The following KIAA1217 variants were observed in gnomAD, a reference collection of about 807,000 sequenced individuals.
KIAA1217 encodes the protein sickle tail protein homolog.
KIAA1217 carries 88 observed loss-of-function variants against 163.9 expected under a neutral mutation model. The ratio of observed to expected loss-of-function variants is 0.54; its 90% CI spans 0.45 to 0.64. KIAA1217 has a LOEUF of 0.64. KIAA1217 is among the 30% of genes least tolerant of loss of function. The pLI is 0.00. For synonymous variants in KIAA1217, 903 were observed against 923.1 expected (o/e 0.98, Z 0.39); for missense variants, 2,372 against 2,475.0 (o/e 0.96, Z 0.88).
intron 2 of KIAA1217, among the ~76,000 whole-genome samples, chr10:24,093,056 T>C (rs1224724304): frequency 2.0e-5 from 3 of 151,528 alleles, no homozygotes; most frequent in Non-Finnish European, 2.9e-5. Context: ...TGCAGTAGCA[T>C]GATCTCGACT....
chr10:24,484,243 T>TATA (rs1564772271), intron 6 of KIAA1217, among the ~76,000 whole-genome samples: 23 of 45,922 alleles, frequency 5.0e-4, no homozygotes, highest in African/African-American at 1.6e-3. Context: ...ATATATATAT[T>TATA]TTTTTTTTTT....
At chr10:23,921,170 A>G (rs112075127) in intron 1 of KIAA1217, among the ~76,000 whole-genome samples, 32 of 152,204 alleles carry the variant, frequency 2.1e-4, no homozygotes, top group Non-Finnish European at 3.7e-4. Context: ...CACTCTCTTT[A>G]TATAGAACCA....
At chr10:24,015,120 A>G (rs1342368128) in intron 2 of KIAA1217, among the ~76,000 whole-genome samples, 1 of 152,136 alleles carries the variant, frequency 6.6e-6, no homozygotes, top group Non-Finnish European at 1.5e-5. Context: ...GATAGAACCA[A>G]CAAAGTAAAT....
At chr10:24,401,498 C>T (rs1056641503) in intron 3 of KIAA1217, among the ~76,000 whole-genome samples, 1 of 152,058 alleles carries the variant, frequency 6.6e-6, no homozygotes, top group African/African-American at 2.4e-5. Flanking sequence ...ATCATATGAT[C>T]ATGTTAATTG....
intron 2 of KIAA1217, among the ~76,000 whole-genome samples, chr10:24,075,287 A>G (rs926896587): frequency 1.3e-5 from 2 of 152,020 alleles, no homozygotes; most frequent in African/African-American, 4.8e-5. Flanking sequence ...CCAAATTATA[A>G]TTGGTTTTCT....
At chr10:23,785,644 T>C (rs1835461011) in intron 1 of KIAA1217, among the ~76,000 whole-genome samples, 1 of 152,190 alleles carries the variant, frequency 6.6e-6, no homozygotes, top group Admixed American at 6.5e-5. Flanking sequence ...TATTTAACCA[T>C]AAGACCTTAG....
At chr10:24,423,766 C>T (rs1334124024) in intron 3 of KIAA1217, among the ~76,000 whole-genome samples, 1 of 152,192 alleles carries the variant, frequency 6.6e-6, no homozygotes, top group African/African-American at 2.4e-5. Context: ...AAATTCCTAA[C>T]CTCAAGTGAT....
chr10:24,430,792 C>G (rs543677325), intron 3 of KIAA1217, among the ~76,000 whole-genome samples: 1 of 152,180 alleles, frequency 6.6e-6, no homozygotes, highest in African/African-American at 2.4e-5. Flanking sequence ...GACAGTGATT[C>G]GAGCAATGGG....
chr10:23,945,975 T>C (rs1262799103), intron 1 of KIAA1217, among the ~76,000 whole-genome samples: 1 of 152,196 alleles, frequency 6.6e-6, no homozygotes, highest in African/African-American at 2.4e-5. Context: ...TATTTGACTG[T>C]AGAGCTTACT....
chr10:23,797,638 A>G (rs1364106085), intron 1 of KIAA1217, among the ~76,000 whole-genome samples: 2 of 152,154 alleles, frequency 1.3e-5, no homozygotes, highest in Non-Finnish European at 2.9e-5. Flanking sequence ...TCACAGGGCA[A>G]CAGGAGAGAG....
chr10:23,722,971 T>C (rs763667072), intron 1 of KIAA1217, among the ~76,000 whole-genome samples: 13 of 152,208 alleles, frequency 8.5e-5, no homozygotes, highest in Non-Finnish European at 1.8e-4. Context: ...ACTCTCAGAT[T>C]GGTGGCAAAA....
At chr10:23,868,183 G>T (rs1840286171) in intron 1 of KIAA1217, among the ~76,000 whole-genome samples, 2 of 152,002 alleles carry the variant, frequency 1.3e-5, no homozygotes, top group African/African-American at 4.8e-5. Context: ...GTTCAGCCCT[G>T]TTTGTCTTTG....
At position 24,542,733 on chromosome 10, in the gene KIAA1217, T is replaced by A. The variant is rs751744837; in HGVS notation, c.3575T>A (p.Val1192Asp). The A allele has an allele frequency of 2.1e-5, 34 of 1,614,168 alleles. No individual in the cohort carries two copies. The highest frequency in any genetic ancestry group is 2.7e-5 in the Non-Finnish European group (32 of 1,180,024). ...CATGAAGATGTACGGAAATCTGATG[T>A]TGAATATGAAAATGGCCCCCAAATG... ...FFHEDVRKSDVEYENGPQMEF... is the reference protein window; with the variant it reads ...FFHEDVRKSDDEYENGPQMEF... The change falls in exon 18 of 21, where the codon GTT (valine) becomes GAT (aspartate). Residue 1192 changes from valine to aspartate, a missense_variant. Val to Asp is a radical substitution (Grantham distance 152). Around this residue, in one of 3 missense-constraint regions of KIAA1217, gnomAD observed 251 missense variants for 327.3 expected, o/e 0.77. Coordinates refer to ENST00000376454, the MANE Select transcript of KIAA1217 (RefSeq NM_019590.5).
chr10:23,783,708 G>T (rs569201420), intron 1 of KIAA1217, among the ~76,000 whole-genome samples: 1 of 152,102 alleles, frequency 6.6e-6, no homozygotes, highest in Non-Finnish European at 1.5e-5. Flanking sequence ...GGCTGTTTTT[G>T]TTGGGAGGTT....
At chr10:23,794,397 A>C (rs577451460) in intron 1 of KIAA1217, among the ~76,000 whole-genome samples, 4 of 152,274 alleles carry the variant, frequency 2.6e-5, no homozygotes, top group African/African-American at 7.2e-5. Context: ...TCTACTCTCT[A>C]TCTATTTCCA....
chr10:24,309,328 A>G (rs2042381592), intron 2 of KIAA1217, among the ~76,000 whole-genome samples: 1 of 139,048 alleles, frequency 7.2e-6, no homozygotes, highest in African/African-American at 2.8e-5. Flanking sequence ...ACCATGACAA[A>G]TAGGCGCGCG....
intron 2 of KIAA1217, among the ~76,000 whole-genome samples, chr10:24,149,382 C>G (rs960773398): frequency 6.6e-6 from 1 of 151,850 alleles, no homozygotes; most frequent in Non-Finnish European, 1.5e-5. Flanking sequence ...CGAGTTTCAC[C>G]CATGTTGACC....
intron 2 of KIAA1217, among the ~76,000 whole-genome samples, chr10:24,202,889 T>G (rs12761671): frequency 0.3 from 45,834 of 152,112 alleles, 7,824 homozygotes; most frequent in Non-Finnish European, 0.39. Context: ...AAGAGGAATT[T>G]TAGAAAATAG....
chr10:24,153,934 T>C (rs2064745965), intron 2 of KIAA1217, among the ~76,000 whole-genome samples: 1 of 151,474 alleles, frequency 6.6e-6, no homozygotes, highest in African/African-American at 2.4e-5. Context: ...GGCAACAGAG[T>C]AAGACTGTGT....
Sources: gnomAD v4.1 joint callset for allele counts (sites outside exome capture counted in the v4.1 genomes callset) on GRCh38, gnomAD v4.1.1 for gene constraint, gnomAD v4.1.1 regional missense constraint, MANE v1.5 for transcripts, NCBI Gene and HGNC (gene_info 2026-07-23, HGNC 2026-07-21) for gene names.